TMPRSS15: variants seen among roughly 807,000 people sequenced by gnomAD.
TMPRSS15 encodes the protein enteropeptidase.
TMPRSS15 carries 128 observed loss-of-function variants against 125.3 expected under a neutral mutation model. The observed-to-expected ratio is 1.02, with a 90% CI of 0.89 to 1.18. The LOEUF is 1.18. Ranked by LOEUF, TMPRSS15 falls within the 50% of genes most tolerant of loss-of-function variation. The pLI is 0.00. For missense variants in TMPRSS15, 1,283 were observed against 1,212.7 expected, an observed-to-expected ratio of 1.06 and a Z score of -0.86; for synonymous variants, 446 against 423.2, an observed-to-expected ratio of 1.05 and a Z score of -0.66.
At chr21:18,433,103 A>G (rs2076219791) in intron 1 of TMPRSS15, among the ~76,000 whole-genome samples, 1 of 152,162 alleles carries the variant, frequency 6.6e-6, no homozygotes, top group Non-Finnish European at 1.5e-5. Flanking sequence ...GTTAATACTA[A>G]CTAGCAGCCA....
Position 18,326,564 on chromosome 21 carries a change from T to G in TMPRSS15, c.1789A>C (p.Thr597Pro). 2 of 1,614,116 alleles carry G rather than the reference T, an allele frequency of 1.2e-6. No individual in the cohort carries two copies. Among genetic ancestry groups the G allele is most frequent in the Non-Finnish European group, 1.7e-6 (2 of 1,179,972 alleles). The change falls in exon 16 of 25, where the codon ACA (threonine) becomes CCA (proline). Residue 597 changes from threonine (T) to proline (P), a missense_variant. By Grantham distance (38) the Thr-to-Pro change is conservative. Transcript: ENST00000284885. ...EADSLLLAVY[T>P]GPGPVKDVFS... ...ACATCCTTTACTGGGCCAGGCCCTG[T>G]GTACACAGCTGTTCCAAAGGAAAAC...
chr21:18,456,820 A>G (rs1052665062), intron 1 of TMPRSS15, among the ~76,000 whole-genome samples: 6 of 152,124 alleles, frequency 3.9e-5, no homozygotes, highest in Admixed American at 3.3e-4. Context: ...TCAGAAATTT[A>G]TATCTTCCTT....
chr21:18,351,908 CTT>C (rs2075573410), intron 10 of TMPRSS15, among the ~76,000 whole-genome samples: 1 of 152,010 alleles, frequency 6.6e-6, no homozygotes, highest in Non-Finnish European at 1.5e-5. Context: ...TTTGGACAGA[CTT>C]TGTGGAAGTT....
At chr21:18,459,439 A>T (rs1290280326) in intron 1 of TMPRSS15, among the ~76,000 whole-genome samples, 2 of 151,896 alleles carry the variant, frequency 1.3e-5, no homozygotes, top group Admixed American at 1.3e-4. Flanking sequence ...ATGCCTGGCT[A>T]ATTTTTGTAT....
In TMPRSS15 at chr21:18,307,661, A is replaced by T. The variant is rs373228710; in HGVS notation, c.2165+5284T>A. On this transcript the variant is annotated intron_variant, in intron 18 of 24. Coordinates refer to ENST00000284885, the MANE Select transcript of TMPRSS15 (RefSeq NM_002772.3). The stretch of plus-strand genomic sequence containing the variant: ...GTGCTTAGATTTCTGACCCAGGAAT[A>T]ATAATAATATATTTACATGATATAC... 3.1e-4 allele frequency among the ~76,000 whole-genome samples: 47 copies of T among 152,280 alleles called. No homozygotes were observed. In the East Asian group the frequency reaches 7.5e-3, roughly 24 times the overall value.
chr21:18,463,566 C>G (rs2122953960), intron 1 of TMPRSS15, among the ~76,000 whole-genome samples: 2 of 152,208 alleles, frequency 1.3e-5, no homozygotes, highest in South Asian at 4.1e-4. Flanking sequence ...CAAGGATATT[C>G]AGGACTTGAA....
At chr21:18,418,303 T>C (rs1027013005) in intron 1 of TMPRSS15, among the ~76,000 whole-genome samples, 3 of 152,214 alleles carry the variant, frequency 2.0e-5, no homozygotes, top group African/African-American at 7.2e-5. Context: ...TTAAAAAGTG[T>C]TCTGTGGTCT....
intron 8 of TMPRSS15, among the ~76,000 whole-genome samples, chr21:18,358,369 T>C (rs2075645943): frequency 6.6e-6 from 1 of 151,894 alleles, no homozygotes; most frequent in Non-Finnish European, 1.5e-5. Flanking sequence ...ACAGTGTAGG[T>C]GAAAATATAT....
chr21:18,342,001 G>A (rs1006222174), intron 12 of TMPRSS15, among the ~76,000 whole-genome samples: 1 of 152,184 alleles, frequency 6.6e-6, no homozygotes, highest in African/African-American at 2.4e-5. Flanking sequence ...CACACTGGGG[G>A]TGAAGGGGAC....
chr21:18,350,403 CA>C (rs2075554826), intron 10 of TMPRSS15, among the ~76,000 whole-genome samples: 1 of 152,100 alleles, frequency 6.6e-6, no homozygotes, highest in Non-Finnish European at 1.5e-5. Context: ...AAACTATATT[CA>C]GAATCTGACC....
In TMPRSS15 at chr21:18,297,766, T is replaced by C. The variant is rs770191909; in HGVS notation, c.2229A>G (p.Thr743=). The change falls in exon 19 of 25, where the codon ACA becomes ACG. Residue 743 remains threonine (T), a synonymous_variant. Transcript: ENST00000284885. ...TDGGPFVKLN[T]APDGHLILTP... ...TTAGTATTAAGTGGCCATCAGGTGCTGTGTTTAATTTGACAAATGGTCCAC... is the reference window on the plus strand; with the variant it reads ...TTAGTATTAAGTGGCCATCAGGTGCCGTGTTTAATTTGACAAATGGTCCAC... The C allele has an allele frequency of 3.3e-5, 53 of 1,613,758 alleles. No individual in the cohort carries two copies. Among genetic ancestry groups the C allele is most frequent in the Non-Finnish European group, 4.2e-5 (50 of 1,179,804 alleles).
At chr21:18,485,086 G>T (rs992882100) in intron 1 of TMPRSS15, among the ~76,000 whole-genome samples, 1 of 151,472 alleles carries the variant, frequency 6.6e-6, no homozygotes, top group Admixed American at 6.6e-5. Flanking sequence ...TACATATTTT[G>T]TTAAAACCAT....
chr21:18,316,165 T>C (rs1394856293), intron 16 of TMPRSS15, among the ~76,000 whole-genome samples: 1 of 152,186 alleles, frequency 6.6e-6, no homozygotes, highest in East Asian at 1.9e-4. Context: ...TGTATGTAGC[T>C]TTAGAAGAGT....
rs1197264493 is a variant in TMPRSS15, at chr21:18,440,376, A to AAAAAAAAAAAAG, written c.11-42048_11-42047insCTTTTTTTTTTT. Among the ~76,000 whole-genome samples the AAAAAAAAAAAAG allele has an allele frequency of 3.7e-5, 5 of 134,320 alleles. 1 individual carries two copies. Among genetic ancestry groups the AAAAAAAAAAAAG allele is most frequent in the Non-Finnish European group, 6.4e-5 (4 of 62,070 alleles). The allele number at this position is 134,320 out of a possible 152,430, so 88.1% of individuals were successfully genotyped here. A position where few individuals can be genotyped will look rare whatever the true frequency, so the allele number is the denominator to read the frequency against. On this transcript the variant is annotated intron_variant, in intron 1 of 7. Transcript: ENST00000422787. Reference sequence around the variant, plus strand: ...CGACAGAGCGAAACTCCGTCTCAAAAAAAAAAAAAAAAAGAAAACTGTAGT... The same window carrying AAAAAAAAAAAAG: ...CGACAGAGCGAAACTCCGTCTCAAAAAAAAAAAAAAAGAAAAAAAAAAAAAGAAAACTGTAGT...
intron 1 of TMPRSS15, among the ~76,000 whole-genome samples, chr21:18,427,985 C>T (rs534037478): frequency 6.6e-6 from 1 of 152,262 alleles, no homozygotes; most frequent in Non-Finnish European, 1.5e-5. Flanking sequence ...AGTGAAAGAA[C>T]CATTATTTCT....
rs558137449 is a variant in TMPRSS15 at position 18,454,684 on chromosome 21, G to A, written c.10+31115C>T. On this transcript the variant is annotated intron_variant, in intron 1 of 7. Transcript: ENST00000422787. The stretch of plus-strand genomic sequence containing the variant: ...GGATCACAAGCTCCAACGTCCAAGA[G>A]CAGAAGATGGAGAAAATGAATTTGC... Among the ~76,000 whole-genome samples the A allele has an allele frequency of 2.6e-5, 4 of 152,236 alleles. No individual in the cohort carries two copies. In the South Asian group the frequency reaches 8.3e-4, roughly 32 times the overall value.
intron 21 of TMPRSS15, among the ~76,000 whole-genome samples, chr21:18,281,516 T>TA (rs1250396659): frequency 6.6e-6 from 1 of 152,184 alleles, no homozygotes; most frequent in African/African-American, 2.4e-5. Flanking sequence ...GAGGTGCTTT[T>TA]AAATAATGCT....
At chr21:18,315,354 T>C in intron 16 of TMPRSS15, 98 bp from the exon 17 acceptor site, 1 of 978,594 alleles carries the variant, frequency 1.0e-6, no homozygotes, top group Non-Finnish European at 1.6e-6. Context: ...CATGAGTCCT[T>C]TGCCACAGCT....
intron 3 of TMPRSS15, among the ~76,000 whole-genome samples, chr21:18,393,488 C>T (rs2076007660): frequency 6.6e-6 from 1 of 152,130 alleles, no homozygotes; most frequent in Admixed American, 6.5e-5. Context: ...GTATGAATCT[C>T]TTTCTTTTGT....
Sources: allele counts gnomAD v4.1 joint callset (sites outside exome capture counted in the v4.1 genomes callset), GRCh38; gene constraint gnomAD v4.1.1; transcripts MANE v1.5; gene names NCBI Gene and HGNC (gene_info 2026-07-23, HGNC 2026-07-21).